Variants in TTC3 observed in about 807,000 individuals in gnomAD.
TTC3 encodes the protein tetratricopeptide repeat domain 3.
In TTC3, 180 loss-of-function variants were observed where a neutral mutation model predicts 249.6. The ratio of observed to expected loss-of-function variants is 0.72; its 90% confidence interval spans 0.64 to 0.82. The LOEUF (loss-of-function observed/expected upper bound fraction) is 0.82, where lower values mean the gene tolerates loss of function less well. TTC3 is among the 40% of genes least tolerant of loss of function. TTC3 has a pLI of 0.00. For missense variants in TTC3, 2,061 were observed against 2,398.4 expected (o/e 0.86, Z 2.94); for synonymous variants, 717 against 805.0 (o/e 0.89, Z 1.85).
At chr21:37,174,544 C>G (rs955486047) in intron 35 of TTC3, among the ~76,000 whole-genome samples, 1 of 152,142 alleles carries the variant, frequency 6.6e-6, no homozygotes, top group African/African-American at 2.4e-5. Context: ...GTCCCTTTGG[C>G]CTTTGACTGC....
At chr21:37,156,156 C>T (rs1467439002) in intron 27 of TTC3, among the ~76,000 whole-genome samples, 1 of 151,838 alleles carries the variant, frequency 6.6e-6, no homozygotes, top group Non-Finnish European at 1.5e-5. Context: ...CCCACCTCAG[C>T]CTCCCAAGTA....
At chr21:37,108,941 G>A (rs2147798705) in intron 11 of TTC3, among the ~76,000 whole-genome samples, 1 of 152,276 alleles carries the variant, frequency 6.6e-6, no homozygotes, top group South Asian at 2.1e-4. Context: ...ATAACTGGTA[G>A]GATTTACAGC....
intron 11 of TTC3, 151 bp from the exon 12 acceptor site, chr21:37,121,666 A>T: frequency 1.5e-6 from 1 of 664,586 alleles, no homozygotes; most frequent in Non-Finnish European, 2.4e-6. Context: ...TTCCTGAGGT[A>T]TTAACATTTT....
chr21:37,113,296 T>A (rs1447051341), intron 11 of TTC3, among the ~76,000 whole-genome samples: 1 of 152,244 alleles, frequency 6.6e-6, no homozygotes, highest in Non-Finnish European at 1.5e-5. Flanking sequence ...AACCCCATCG[T>A]CTCAGCCCAA....
At chr21:37,199,850 T>C (rs1235352535) in intron 44 of TTC3, among the ~76,000 whole-genome samples, 1 of 152,170 alleles carries the variant, frequency 6.6e-6, no homozygotes, top group Non-Finnish European at 1.5e-5. Flanking sequence ...GGCTACACAA[T>C]AGCCCATTGT....
At chr21:37,111,117 C>G (rs1301028813) in intron 11 of TTC3, among the ~76,000 whole-genome samples, 1 of 152,116 alleles carries the variant, frequency 6.6e-6, no homozygotes, top group Non-Finnish European at 1.5e-5. Flanking sequence ...TTTGTAAAGA[C>G]CATCAAGGCT....
At chr21:37,174,593 T>C (rs1601984985) in intron 35 of TTC3, among the ~76,000 whole-genome samples, 1 of 152,222 alleles carries the variant, frequency 6.6e-6, no homozygotes, top group African/African-American at 2.4e-5. Flanking sequence ...TTTTCCTTTA[T>C]ACTCCAGTTA....
chr21:37,088,382 G>A (rs1174333460), intron 4 of TTC3, 36 bp downstream of exon 4: 2 of 1,581,954 alleles, frequency 1.3e-6, no homozygotes, highest in South Asian at 2.3e-5. Flanking sequence ...TGTGTGGACA[G>A]TGATAAACAT....
At chr21:37,099,987 T>C (rs1048732587) in intron 10 of TTC3, among the ~76,000 whole-genome samples, 1 of 152,250 alleles carries the variant, frequency 6.6e-6, no homozygotes, top group Non-Finnish European at 1.5e-5. Context: ...AGTCACAGAA[T>C]GATTTGTACA....
At chr21:37,092,813 G>A (rs983069387) in intron 7 of TTC3, among the ~76,000 whole-genome samples, 6 of 151,322 alleles carry the variant, frequency 4.0e-5, no homozygotes, top group East Asian at 3.9e-4. Context: ...ATTTTTTTTT[G>A]CCACTTTAAA....
chr21:37,121,706 T>C, intron 11 of TTC3, 111 bp from the exon 12 acceptor site: 1 of 1,006,834 alleles, frequency 9.9e-7, no homozygotes, highest in Non-Finnish European at 1.4e-6. Flanking sequence ...AGGGACCTAA[T>C]CTAATATTTT....
chr21:37,197,917 C>T (rs774562007), exon 44 of TTC3: 1 of 1,614,052 alleles, frequency 6.2e-7, no homozygotes, highest in South Asian at 1.1e-5. Context: ...CTTATGAGCC[C>T]AGCTCTGCCA....
chr21:37,122,973 A>G lies in TTC3; in HGVS notation c.1064-10A>G. The stretch of plus-strand genomic sequence containing the variant: ...TTACTATGTGTGTGTGTGTGTGATG[A>G]CTTTTATAGGTCGAACAGCAAATAA... On this transcript the variant is annotated splice_polypyrimidine_tract_variant and intron_variant, in intron 12 of 45. Coordinates refer to ENST00000355666, the Ensembl canonical transcript of TTC3. 4.4e-6 allele frequency: 7 copies of G among 1,577,446 alleles called. No individual in the cohort carries two copies. Among genetic ancestry groups the G allele is most frequent in the Non-Finnish European group, 5.2e-6 (6 of 1,150,484 alleles).
At chr21:37,154,234 C>T (rs371157122) in intron 27 of TTC3, among the ~76,000 whole-genome samples, 15 of 152,306 alleles carry the variant, frequency 9.8e-5, no homozygotes, top group Admixed American at 5.9e-4. Flanking sequence ...GGCCTTTAGC[C>T]GCAGACCACA....
At position 37,091,275 on chromosome 21, in the gene TTC3, A is replaced by G. The variant is rs1460911890; in HGVS notation, c.481-18A>G. 3.7e-6 allele frequency: 6 copies of G among 1,602,920 alleles called. No homozygotes were observed. Among genetic ancestry groups the G allele is most frequent in the South Asian group, 1.1e-5 (1 of 88,746 alleles). On this transcript the variant is annotated intron_variant, in intron 6 of 45. Transcript: ENST00000355666. ...ATTAATAACCAAAGCCCCATTCTTC[A>G]TTTCTCTTTTGAAACAGAAAATCTT...
intron 6 of TTC3, 86 bp downstream of exon 6, chr21:37,090,372 T>C: frequency 6.3e-6 from 8 of 1,263,422 alleles, no homozygotes; most frequent in Admixed American, 5.6e-5. Context: ...ATTGGGTCCA[T>C]ACACTCAATG....
chr21:37,153,176 A>T, exon 27 of TTC3: 1 of 1,614,226 alleles, frequency 6.2e-7, no homozygotes. Flanking sequence ...TTGATTCAAG[A>T]AAATAACAGA....
Position 37,088,905 on chromosome 21 carries a change from G to A in TTC3, c.426+19G>A, listed in dbSNP as rs1461131693. Reference sequence around the variant, plus strand: ...AGTTGCTGTAAGTGGTAGAATGTAGGTTCCCCCGAGCCCTTGGTTTAAATA... The same window carrying A: ...AGTTGCTGTAAGTGGTAGAATGTAGATTCCCCCGAGCCCTTGGTTTAAATA... On this transcript the variant is annotated intron_variant, in intron 5 of 45. Coordinates refer to ENST00000355666, the Ensembl canonical transcript of TTC3. The A allele has an allele frequency of 5.6e-6, 9 of 1,606,044 alleles. No individual in the cohort carries two copies. Among genetic ancestry groups the A allele is most frequent in the Non-Finnish European group, 7.7e-6 (9 of 1,174,260 alleles).
At chr21:37,188,227 T>TAA in intron 38 of TTC3, 1 of 312,768 alleles carries the variant, frequency 3.2e-6, no homozygotes, top group Non-Finnish European at 6.2e-6. Context: ...TCTGTGCTTA[T>TAA]ATATAGCTTA....
Sources: allele counts gnomAD v4.1 joint callset (sites outside exome capture counted in the v4.1 genomes callset), GRCh38; gene constraint gnomAD v4.1.1; transcripts MANE v1.5; gene names NCBI Gene and HGNC (gene_info 2026-07-23, HGNC 2026-07-21).